Variants in KIF9 observed in about 807,000 individuals in gnomAD.
KIF9 encodes kinesin-like protein KIF9.
KIF9 carries 68 observed loss-of-function variants against 94.8 expected under a neutral mutation model. The ratio of observed to expected loss-of-function variants is 0.72; its 90% confidence interval spans 0.59 to 0.88. The LOEUF is 0.88. KIF9 is among the 40% of genes least tolerant of loss of function. The pLI, the probability that KIF9 is intolerant of heterozygous loss-of-function variation, is 0.00. For synonymous variants in KIF9, 343 were observed against 362.1 expected (o/e 0.95, Z 0.60); for missense variants, 882 against 982.5 (o/e 0.90, Z 1.37).
At chr3:47,260,130 A>T (rs1700871667) in intron 9 of KIF9, among the ~76,000 whole-genome samples, 2 of 128,694 alleles carry the variant, frequency 1.6e-5, no homozygotes, top group Non-Finnish European at 3.2e-5. Flanking sequence ...TGGAGGTGGG[A>T]CCTGCGGGCA....
intron 12 of KIF9, 66 bp from the exon 13 acceptor site, chr3:47,246,318 G>A (rs1254342592): frequency 7.3e-7 from 1 of 1,367,336 alleles, no homozygotes; most frequent in African/African-American, 1.4e-5. Context: ...GGGCATCTAT[G>A]TTAGTAGAGA....
intron 1 of KIF9, among the ~76,000 whole-genome samples, chr3:47,279,626 T>A (rs1269234596): frequency 4.0e-5 from 6 of 151,628 alleles, no homozygotes; most frequent in African/African-American, 1.2e-4. Context: ...TATTTTATTT[T>A]TTTTTTTTGA....
rs568309890 is a variant in KIF9 at position 47,240,731 on chromosome 3, G to A, written c.1924+70C>T. On this transcript the variant is annotated intron_variant, in intron 17 of 20. Transcript: ENST00000684063. Reference sequence around the variant, plus strand: ...CCCATCTCAGACCTCTAGTGCCAAGGGCTGTTCTGCTTCAACCAGCATGAC... The same window carrying A: ...CCCATCTCAGACCTCTAGTGCCAAGAGCTGTTCTGCTTCAACCAGCATGAC... The A allele has an allele frequency of 6.8e-6, 9 of 1,327,508 alleles. No homozygotes were observed. The East Asian group carries it at 1.8e-4, about 27-fold the overall frequency. 82.2% of individuals were successfully genotyped at this position (1,327,508 alleles called of 1,614,324 possible). A position where few individuals can be genotyped will look rare whatever the true frequency, so the allele number is the denominator to read the frequency against.
At position 47,240,953 on chromosome 3, in the gene KIF9, T is replaced by C. The variant is rs751950879; in HGVS notation, c.1772A>G (p.Glu591Gly). Residue 591 changes from glutamate to glycine, a missense_variant, in exon 17 of 21, where the codon GAG (glutamate) becomes GGG (glycine). Glu to Gly is a moderately conservative substitution (Grantham distance 98). Coordinates refer to ENST00000684063, the MANE Select transcript of KIF9 (RefSeq NM_182902.4). ...FEEFKNEQGSEINRIFKENKS... is the reference protein window; with the variant it reads ...FEEFKNEQGSGINRIFKENKS... ...GTTTTCTTTGAAAATTCGGTTGATCTCACTACCTTGCTCATTCTTAAACTC... is the reference window on the plus strand; with the variant it reads ...GTTTTCTTTGAAAATTCGGTTGATCCCACTACCTTGCTCATTCTTAAACTC... 1.5e-5 allele frequency: 25 copies of C among 1,614,070 alleles called. No individual in the cohort carries two copies. In the South Asian group the frequency reaches 2.6e-4, roughly 17 times the overall value.
At chr3:47,260,380 G>A (rs1160410710) in intron 9 of KIF9, among the ~76,000 whole-genome samples, 1 of 151,918 alleles carries the variant, frequency 6.6e-6, no homozygotes, top group Non-Finnish European at 1.5e-5. Context: ...GCTGAACGCT[G>A]GTTCCCCAGG....
intron 20 of KIF9, among the ~76,000 whole-genome samples, chr3:47,235,028 A>G (rs1179016460): frequency 6.6e-6 from 1 of 152,258 alleles, no homozygotes; most frequent in Non-Finnish European, 1.5e-5. Context: ...AGGAGTGTGC[A>G]GTGCACAGGG....
intron 9 of KIF9, among the ~76,000 whole-genome samples, chr3:47,258,379 G>C (rs1368541277): frequency 6.6e-6 from 1 of 152,154 alleles, no homozygotes; most frequent in African/African-American, 2.4e-5. Flanking sequence ...CTAAGTAGCT[G>C]GGGCTACAGG....
In KIF9 at chr3:47,247,329, G is replaced by T. The variant is rs773034817; in HGVS notation, c.1233+44C>A. 1.5e-5 allele frequency: 20 copies of T among 1,343,008 alleles called. No individual in the cohort carries two copies. The Admixed American group carries it at 1.7e-4, about 11-fold the overall frequency. 83.2% of individuals were successfully genotyped at this position (1,343,008 alleles called of 1,614,324 possible). ...CGTTGGGGTGTGCCCAGGACTGGGA[G>T]GCCCAGGCTGGCTGAGCATAGTGGT... is the stretch of plus-strand genomic sequence containing the variant. On this transcript the variant is annotated intron_variant, in intron 12 of 20. Transcript: ENST00000684063.
chr3:47,260,531 C>T (rs537849233), intron 9 of KIF9, among the ~76,000 whole-genome samples: 1 of 152,316 alleles, frequency 6.6e-6, no homozygotes, highest in African/African-American at 2.4e-5. Flanking sequence ...ATGATAGGGC[C>T]AACCCTTCCA....
Position 47,240,941 on chromosome 3 carries a change from A to AT in KIF9, c.1783dup (p.Ile595AsnfsTer11), listed in dbSNP as rs1559426635. The AT allele has an allele frequency of 6.2e-7, 1 of 1,614,118 alleles. No homozygotes were observed. ...CAAGATGGATTTGTTTTCTTTGAAA[A>AT]TTCGGTTGATCTCACTACCTTGCTC... On this transcript the variant is annotated frameshift_variant, in exon 17 of 21. Transcript: ENST00000684063. LOFTEE classifies it high-confidence loss of function.
Position 47,228,543 on chromosome 3 carries a change from C to T in KIF9, c.*109G>A. The T allele has an allele frequency of 2.2e-6, 2 of 906,740 alleles. No individual in the cohort carries two copies. Among genetic ancestry groups the T allele is most frequent in the Non-Finnish European group, 3.7e-6 (2 of 542,682 alleles). The allele number at this position is 906,740 out of a possible 1,614,324, so 56.2% of individuals were successfully genotyped here. A position where few individuals can be genotyped will look rare whatever the true frequency, so the allele number is the denominator to read the frequency against. On this transcript the variant is annotated 3_prime_UTR_variant, in exon 21 of 21. Coordinates refer to ENST00000684063, the MANE Select transcript of KIF9 (RefSeq NM_182902.4). ...GCCAAATGTGTTCTCTGTGCTGGGT[C>T]CCAGCATTGGAGTAGAGGGGGCTGC... is the stretch of plus-strand genomic sequence containing the variant.
chr3:47,229,452 C>T (rs1698392095), intron 20 of KIF9, among the ~76,000 whole-genome samples: 1 of 152,106 alleles, frequency 6.6e-6, no homozygotes, highest in Non-Finnish European at 1.5e-5. Context: ...CACATACACA[C>T]GCCACTGTCA....
In KIF9 at chr3:47,271,237, C is replaced by A. The variant is rs765086644; in HGVS notation, c.591G>T (p.Glu197Asp). 1 of 1,609,104 alleles carries A rather than the reference C, an allele frequency of 6.2e-7. No homozygotes were observed. Among genetic ancestry groups the A allele is most frequent in the Non-Finnish European group, 8.5e-7 (1 of 1,176,232 alleles). Residue 197 changes from glutamate to aspartate, a missense_variant and splice_region_variant, in exon 5 of 21, where the codon GAG (glutamate) becomes GAT (aspartate). By Grantham distance (45) the Glu-to-Asp change is conservative. Coordinates refer to ENST00000684063, the MANE Select transcript of KIF9 (RefSeq NM_182902.4). ...GAACCCTCAGGTTTTATTATCTCAC[C>A]TCAAAAAGGAGGCTGAATGCATCCT... ...QEEDAFSLLF[E>D]GETNRIIASH...
chr3:47,265,941 G>C, intron 7 of KIF9, 64 bp from the exon 8 acceptor site: 1 of 1,556,776 alleles, frequency 6.4e-7, no homozygotes. Context: ...AAGAATAGCA[G>C]TCTTCCTGGT....
chr3:47,245,139 T>C, intron 14 of KIF9: 1 of 618,372 alleles, frequency 1.6e-6, no homozygotes, highest in Middle Eastern at 4.3e-4. Context: ...CCCTCACCAG[T>C]ATGGCACCTC....
At chr3:47,237,567 AT>A (rs767292292) in intron 17 of KIF9, among the ~76,000 whole-genome samples, 1 of 152,182 alleles carries the variant, frequency 6.6e-6, no homozygotes. Flanking sequence ...GTGCAAAGCC[AT>A]TCACCCTGCT....
intron 2 of KIF9, among the ~76,000 whole-genome samples, chr3:47,276,349 A>G (rs1185085198): frequency 6.6e-6 from 1 of 152,164 alleles, no homozygotes; most frequent in Admixed American, 6.5e-5. Context: ...TGAGGTCAGG[A>G]GTTCCAGACC....
intron 1 of KIF9, among the ~76,000 whole-genome samples, chr3:47,279,871 C>G (rs1030059855): frequency 6.6e-6 from 1 of 152,078 alleles, no homozygotes. Context: ...CCCACCTCAG[C>G]GGATCATTTT....
In KIF9 at chr3:47,248,039, C is replaced by T; in HGVS notation, c.1107G>A (p.Glu369=). 1.9e-6 allele frequency: 3 copies of T among 1,613,876 alleles called. No individual in the cohort carries two copies. The highest frequency in any genetic ancestry group is 2.5e-6 in the Non-Finnish European group (3 of 1,179,852). Reference sequence around the variant, plus strand: ...TTACCAGGCTGTCATGGATAGCCAGCTCCTGCTTGAGTAGTGCTAGTTCCT... The same window carrying T: ...TTACCAGGCTGTCATGGATAGCCAGTTCCTGCTTGAGTAGTGCTAGTTCCT... ...LEKELALLKQ[E]LAIHDSLTNR... The change falls in exon 11 of 21, where the codon GAG becomes GAA. Residue 369 remains glutamate (E), a synonymous_variant. Transcript: ENST00000684063.
Sources: allele counts gnomAD v4.1 joint callset (sites outside exome capture counted in the v4.1 genomes callset), GRCh38; gene constraint gnomAD v4.1.1; transcripts MANE v1.5; gene names NCBI Gene and HGNC (gene_info 2026-07-23, HGNC 2026-07-21).